Variants in PDE4D observed in about 807,000 individuals in gnomAD.
PDE4D encodes 3',5'-cyclic-AMP phosphodiesterase 4D.
PDE4D carries 24 observed loss-of-function variants against 87.4 expected under a neutral mutation model. The ratio of observed to expected loss-of-function variants is 0.27; its 90% CI spans 0.20 to 0.39. The LOEUF is 0.39. PDE4D is among the 10% of genes least tolerant of loss of function. PDE4D has a pLI of 1.00. For synonymous variants in PDE4D, 384 were observed against 383.2 expected, an observed-to-expected ratio of 1.00 and a Z score of -0.02; for missense variants, 714 against 1,041.0, an observed-to-expected ratio of 0.69 and a Z score of 4.32.
At chr5:59,727,898 A>C (rs1756835028) in intron 1 of PDE4D, among the ~76,000 whole-genome samples, 1 of 152,112 alleles carries the variant, frequency 6.6e-6, no homozygotes, top group Non-Finnish European at 1.5e-5. Context: ...AAGGAAGAGA[A>C]ATAAGAAGGA....
At chr5:60,401,954 C>A (rs1334690834) in intron 1 of PDE4D, among the ~76,000 whole-genome samples, 2 of 152,128 alleles carry the variant, frequency 1.3e-5, no homozygotes, top group African/African-American at 4.8e-5. Context: ...TCAATAAAAT[C>A]TAAATGTGAA....
At chr5:59,201,133 T>C (rs1747260061) in intron 2 of PDE4D, among the ~76,000 whole-genome samples, 1 of 152,142 alleles carries the variant, frequency 6.6e-6, no homozygotes, top group South Asian at 2.1e-4. Context: ...ATATGGGTTT[T>C]TCAGACGAAT....
chr5:60,158,429 G>A (rs890964611), intron 2 of PDE4D, among the ~76,000 whole-genome samples: 5 of 152,196 alleles, frequency 3.3e-5, no homozygotes, highest in African/African-American at 9.7e-5. Context: ...AACACCTACC[G>A]TGAATGGAGG....
intron 1 of PDE4D, among the ~76,000 whole-genome samples, chr5:60,385,069 C>T (rs911183584): frequency 1.3e-5 from 2 of 152,220 alleles, no homozygotes; most frequent in Non-Finnish European, 2.9e-5. Flanking sequence ...CTCTTGCATT[C>T]TCATGAAAAT....
chr5:59,781,815 A>G (rs1429720597), intron 1 of PDE4D, among the ~76,000 whole-genome samples: 8 of 137,998 alleles, frequency 5.8e-5, no homozygotes, highest in Non-Finnish European at 1.2e-4. Context: ...AAAAAAAAAA[A>G]TCAACTCCTG....
chr5:59,817,742 A>ACAC (rs1554091273), intron 1 of PDE4D, among the ~76,000 whole-genome samples: 8 of 122,342 alleles, frequency 6.5e-5, no homozygotes, highest in Admixed American at 8.9e-5. Flanking sequence ...ACACACCCAC[A>ACAC]CCCCCCCCCA....
intron 5 of PDE4D, among the ~76,000 whole-genome samples, chr5:59,112,187 C>T (rs1262116777): frequency 6.6e-6 from 1 of 152,094 alleles, no homozygotes; most frequent in African/African-American, 2.4e-5. Flanking sequence ...CTTCATGCAG[C>T]ACCAAGGTCT....
At chr5:59,756,576 T>A (rs1210114067) in intron 1 of PDE4D, among the ~76,000 whole-genome samples, 1 of 147,006 alleles carries the variant, frequency 6.8e-6, no homozygotes, top group African/African-American at 2.5e-5. Flanking sequence ...TCCACACAAA[T>A]GGTTAATCAT....
chr5:60,129,910 A>G (rs1005115134), intron 2 of PDE4D, among the ~76,000 whole-genome samples: 36 of 152,132 alleles, frequency 2.4e-4, no homozygotes, highest in African/African-American at 8.7e-4. Flanking sequence ...CCCAAAACTC[A>G]TCTGCTGAAA....
At chr5:59,821,945 CTTAATA>C (rs1692030763) in intron 1 of PDE4D, among the ~76,000 whole-genome samples, 2 of 152,288 alleles carry the variant, frequency 1.3e-5, no homozygotes, top group South Asian at 4.1e-4. Context: ...CTTGTCTAAT[CTTAATA>C]TTGTTACTGC....
intron 1 of PDE4D, among the ~76,000 whole-genome samples, chr5:59,653,667 C>G (rs912069440): frequency 6.6e-6 from 1 of 152,122 alleles, no homozygotes; most frequent in African/African-American, 2.4e-5. Flanking sequence ...TAGGATTTGT[C>G]CCAATTCTGC....
intron 1 of PDE4D, among the ~76,000 whole-genome samples, chr5:59,374,974 T>C (rs1373421573): frequency 6.6e-6 from 1 of 152,130 alleles, no homozygotes; most frequent in East Asian, 1.9e-4. Context: ...TCAATAAGGT[T>C]TTTGAAACAA....
At chr5:60,319,787 G>A (rs915551435) in intron 1 of PDE4D, among the ~76,000 whole-genome samples, 3 of 152,196 alleles carry the variant, frequency 2.0e-5, no homozygotes, top group Non-Finnish European at 2.9e-5. Context: ...AGCAGAGGCT[G>A]CAGAACAGTG....
At chr5:59,354,521 T>C (rs555005653) in intron 1 of PDE4D, among the ~76,000 whole-genome samples, 15 of 152,296 alleles carry the variant, frequency 9.8e-5, no homozygotes, top group Non-Finnish European at 1.6e-4. Flanking sequence ...TCTGTATATA[T>C]ATAGAGTGAC....
At chr5:59,404,526 G>A (rs576843912) in intron 1 of PDE4D, among the ~76,000 whole-genome samples, 3 of 152,156 alleles carry the variant, frequency 2.0e-5, no homozygotes, top group Admixed American at 6.5e-5. Context: ...CAGCATGGTG[G>A]TGTGCACCTA....
chr5:59,197,225 C>G (rs1745651313), intron 2 of PDE4D, among the ~76,000 whole-genome samples: 1 of 152,054 alleles, frequency 6.6e-6, no homozygotes, highest in Non-Finnish European at 1.5e-5. Flanking sequence ...TTAATTTTCT[C>G]TTTGGTTGTA....
At chr5:59,286,260 A>G (rs1766935884) in intron 1 of PDE4D, among the ~76,000 whole-genome samples, 1 of 152,184 alleles carries the variant, frequency 6.6e-6, no homozygotes, top group South Asian at 2.1e-4. Flanking sequence ...AAGATGTTCC[A>G]CATGTTCTCT....
At chr5:59,555,384 A>AC (rs1818723392) in intron 1 of PDE4D, among the ~76,000 whole-genome samples, 1 of 152,108 alleles carries the variant, frequency 6.6e-6, no homozygotes, top group African/African-American at 2.4e-5. Context: ...AGAGAAAATA[A>AC]CTATTGGGTA....
rs536631196 is a variant in PDE4D at position 60,358,037 on chromosome 5, A to C, written c.-90+129905T>G. On this transcript the variant is annotated intron_variant, in intron 1 of 16. Transcript: ENST00000502484. ...TTTTATTACTTTCTCTATTTTATAG[A>C]TCAAAACCCTGTGGCACTGAGGGTT... 3.9e-4 allele frequency among the ~76,000 whole-genome samples: 59 copies of C among 152,340 alleles called. No individual in the cohort carries two copies. The South Asian group carries it at 0.012, about 31-fold the overall frequency.
Sources: gnomAD v4.1 joint callset for allele counts (sites outside exome capture counted in the v4.1 genomes callset) on GRCh38, gnomAD v4.1.1 for gene constraint, MANE v1.5 for transcripts, NCBI Gene and HGNC (gene_info 2026-07-23, HGNC 2026-07-21) for gene names.